The following ZDHHC11 variants were observed in gnomAD, a reference collection of about 807,000 sequenced individuals.
ZDHHC11 encodes zDHHC palmitoyltransferase 11.
In ZDHHC11, 44 loss-of-function variants were observed where a neutral mutation model predicts 51.3. The ratio of observed to expected loss-of-function variants is 0.86; its 90% CI spans 0.67 to 1.10. The LOEUF (loss-of-function observed/expected upper bound fraction) is 1.10, where lower values mean the gene tolerates loss of function less well. Ranked by LOEUF, ZDHHC11 falls within the 50% of genes least tolerant of loss-of-function variation. The pLI, the probability that ZDHHC11 is intolerant of heterozygous loss-of-function variation, is 0.00. For missense variants in ZDHHC11, 400 were observed against 537.7 expected (o/e 0.74, Z 2.53); for synonymous variants, 163 against 222.0 (o/e 0.73, Z 2.36).
rs764307329 is a variant in ZDHHC11 at position 840,361 on chromosome 5, C to T, written c.784+134G>A. 6.7e-6 allele frequency: 8 copies of T among 1,193,322 alleles called. No individual in the cohort carries two copies. In the South Asian group the frequency reaches 7.4e-5, roughly 11 times the overall value. 73.9% of individuals were successfully genotyped at this position (1,193,322 alleles called of 1,614,324 possible). A position where few individuals can be genotyped will look rare whatever the true frequency, so the allele number is the denominator to read the frequency against. On this transcript the variant is annotated intron_variant, in intron 5 of 12. Coordinates refer to ENST00000283441, the MANE Select transcript of ZDHHC11 (RefSeq NM_024786.3). ...GAGAGGCTGACCCTGAACACATGCGCACACGGGGGACAAAGACTCTGGCCC... is the reference window on the plus strand; with the variant it reads ...GAGAGGCTGACCCTGAACACATGCGTACACGGGGGACAAAGACTCTGGCCC...
chr5:805,764 T>A (rs1739156905), intron 11 of ZDHHC11, among the ~76,000 whole-genome samples: 1 of 151,244 alleles, frequency 6.6e-6, no homozygotes, highest in African/African-American at 2.4e-5. Flanking sequence ...GCGGATTGGA[T>A]TTTTAAAAAG....
At chr5:851,570 G>C (rs1222128058), upstream of ZDHHC11, among the ~76,000 whole-genome samples, 2 of 152,226 alleles carry the variant, frequency 1.3e-5, no homozygotes, top group African/African-American at 2.4e-5. Context: ...GAGACATTGA[G>C]AAATAGTTAA....
intron 1 of ZDHHC11, among the ~76,000 whole-genome samples, chr5:857,364 A>G (rs1324737303): frequency 6.6e-6 from 1 of 152,176 alleles, no homozygotes; most frequent in Non-Finnish European, 1.5e-5. Flanking sequence ...ACCACACATG[A>G]GAACCAGCCC....
chr5:857,501 G>A (rs994434448), intron 1 of ZDHHC11, among the ~76,000 whole-genome samples: 1 of 152,016 alleles, frequency 6.6e-6, no homozygotes, highest in Non-Finnish European at 1.5e-5. Context: ...GTCTGTCCCG[G>A]TCCCATCCCT....
At chr5:805,216 T>A (rs1376442613) in intron 11 of ZDHHC11, among the ~76,000 whole-genome samples, 2 of 151,324 alleles carry the variant, frequency 1.3e-5, no homozygotes, top group Non-Finnish European at 3.0e-5. Flanking sequence ...AGTGGGAGGA[T>A]CGTGTGAGAC....
chr5:840,826 G>T, intron 4 of ZDHHC11, 176 bp from the exon 5 acceptor site: 1 of 1,478,454 alleles, frequency 6.8e-7, no homozygotes, highest in Non-Finnish European at 9.0e-7. Flanking sequence ...AGGCCCTGCT[G>T]CCTTCGGTTG....
chr5:800,455 C>A (rs1738255231), intron 12 of ZDHHC11, among the ~76,000 whole-genome samples: 1 of 150,628 alleles, frequency 6.6e-6, no homozygotes, highest in Admixed American at 6.6e-5. Flanking sequence ...AATCATGTCT[C>A]ATGTTTCTTA....
intron 11 of ZDHHC11, among the ~76,000 whole-genome samples, chr5:809,291 G>A (rs1739774859): frequency 1.4e-5 from 2 of 140,432 alleles, no homozygotes; most frequent in Admixed American, 1.5e-4. Flanking sequence ...CTTTGTTGCT[G>A]TTGGAGCAGC....
At chr5:819,686 G>T in intron 9 of ZDHHC11, 74 bp from the exon 10 acceptor site, 2 of 1,479,894 alleles carry the variant, frequency 1.4e-6, no homozygotes, top group Non-Finnish European at 1.9e-6. Flanking sequence ...GGAGGCTACA[G>T]TGTGTCCTGT....
chr5:819,679 G>A (rs1440338577), intron 9 of ZDHHC11, 67 bp from the exon 10 acceptor site: 6 of 1,517,774 alleles, frequency 4.0e-6, no homozygotes, highest in Non-Finnish European at 3.7e-6. Context: ...TGGCACTGGA[G>A]GCTACAGTGT....
intron 1 of ZDHHC11, among the ~76,000 whole-genome samples, chr5:858,419 G>A (rs145120327): frequency 1.1e-3 from 160 of 151,390 alleles, no homozygotes; most frequent in African/African-American, 3.6e-3. Flanking sequence ...TTATGACACC[G>A]TGGTCCCTGA....
intron 5 of ZDHHC11, among the ~76,000 whole-genome samples, chr5:839,121 C>T (rs1304149277): frequency 1.7e-5 from 2 of 115,642 alleles, no homozygotes. Context: ...AGTGAAACTC[C>T]AGAAAAGCCT....
upstream of ZDHHC11, among the ~76,000 whole-genome samples, chr5:851,877 G>A (rs867612351): frequency 4.6e-5 from 7 of 152,166 alleles, no homozygotes; most frequent in Non-Finnish European, 7.3e-5. Context: ...GCAACACGGC[G>A]AAACCCTGTC....
chr5:836,163 G>A lies in ZDHHC11; in HGVS notation c.900+1202C>T, dbSNP rs145044366. Among the ~76,000 whole-genome samples the A allele has an allele frequency of 1.2e-4, 18 of 150,338 alleles. No individual in the cohort carries two copies. In the East Asian group the frequency reaches 3.1e-3, roughly 26 times the overall value. Reference sequence around the variant, plus strand: ...CAAGCCTTTCACCAGTAAATGTCACGTCAGGTACACAGGGTGCTTTCCTAT... The same window carrying A: ...CAAGCCTTTCACCAGTAAATGTCACATCAGGTACACAGGGTGCTTTCCTAT... On this transcript the variant is annotated intron_variant, in intron 6 of 12. Coordinates refer to ENST00000283441, the MANE Select transcript of ZDHHC11 (RefSeq NM_024786.3).
At chr5:806,111 A>G (rs1739223727) in intron 11 of ZDHHC11, among the ~76,000 whole-genome samples, 1 of 151,064 alleles carries the variant, frequency 6.6e-6, no homozygotes, top group African/African-American at 2.4e-5. Flanking sequence ...GAATAACTAC[A>G]GCCTTTCGTG....
chr5:798,182 G>A (rs1737859640), intron 12 of ZDHHC11, among the ~76,000 whole-genome samples: 1 of 150,818 alleles, frequency 6.6e-6, no homozygotes, highest in Non-Finnish European at 1.5e-5. Flanking sequence ...TGCCATTTTG[G>A]CTGTGCTCTC....
intron 4 of ZDHHC11, 115 bp from the exon 5 acceptor site, chr5:840,765 G>A (rs1338235044): frequency 5.0e-5 from 78 of 1,561,522 alleles, no homozygotes; most frequent in Non-Finnish European, 6.0e-5. Flanking sequence ...CAGCCAGTGC[G>A]AGGGATGTCT....
At chr5:820,761 G>A (rs1164669770) in intron 9 of ZDHHC11, among the ~76,000 whole-genome samples, 1 of 151,404 alleles carries the variant, frequency 6.6e-6, no homozygotes, top group Non-Finnish European at 1.5e-5. Context: ...AAGCTCATAT[G>A]GAAAAATAAA....
chr5:855,823 TGAGCCGGGGGG>T (rs1748155331), upstream of ZDHHC11, among the ~76,000 whole-genome samples: 1 of 100,634 alleles, frequency 9.9e-6, no homozygotes, highest in Non-Finnish European at 2.0e-5. Context: ...CAGAGGACAG[TGAGCCGGGGGG>T]CACAGACCCC....
Sources: gnomAD v4.1 joint callset for allele counts (sites outside exome capture counted in the v4.1 genomes callset) on GRCh38, gnomAD v4.1.1 for gene constraint, MANE v1.5 for transcripts, NCBI Gene and HGNC (gene_info 2026-07-23, HGNC 2026-07-21) for gene names.